MUCL1: variants seen among roughly 807,000 people sequenced by gnomAD.
The protein encoded by MUCL1 is mucin like 1, also known as mucin-like protein 1.
Under a neutral mutation model 9.2 loss-of-function variants are expected in MUCL1, and 11 were observed. That is an observed-to-expected ratio of 1.19 (90% confidence interval 0.75 to 1.97). The LOEUF (loss-of-function observed/expected upper bound fraction) is 1.97. MUCL1 is among the 30% of genes most tolerant of loss of function. The pLI is 0.00. For missense variants in MUCL1, 144 were observed against 110.9 expected, an observed-to-expected ratio of 1.30 and a Z score of -1.34; for synonymous variants, 48 against 40.5, an observed-to-expected ratio of 1.19 and a Z score of -0.71.
At chr12:54,842,347 A>C (rs1450617743) in intron 1 of MUCL1, among the ~76,000 whole-genome samples, 1 of 152,138 alleles carries the variant, frequency 6.6e-6, no homozygotes, top group Non-Finnish European at 1.5e-5. Context: ...AAATGGCTAC[A>C]GTTAATTTTA....
chr12:54,850,311 C>T (rs565123342), upstream of MUCL1, among the ~76,000 whole-genome samples: 2 of 127,256 alleles, frequency 1.6e-5, no homozygotes, highest in Admixed American at 8.1e-5. Flanking sequence ...CCTCCCCCCT[C>T]CCCCCACCCC....
At chr12:54,834,590 T>C (rs2121479058), upstream of MUCL1, among the ~76,000 whole-genome samples, 2 of 152,204 alleles carry the variant, frequency 1.3e-5, no homozygotes, top group East Asian at 1.9e-4. Flanking sequence ...TCTCTTTACA[T>C]AGTTACTATT....
At chr12:54,836,406 AT>A (rs1314040366), upstream of MUCL1, among the ~76,000 whole-genome samples, 1 of 152,044 alleles carries the variant, frequency 6.6e-6, no homozygotes, top group Non-Finnish European at 1.5e-5. Context: ...ATCTTGAATT[AT>A]CTTTTGTATT....
intron 1 of MUCL1, among the ~76,000 whole-genome samples, chr12:54,840,607 C>T (rs1174943118): frequency 6.6e-6 from 1 of 152,190 alleles, no homozygotes; most frequent in African/African-American, 2.4e-5. Flanking sequence ...TTGCATTAAG[C>T]TACCAGGGCA....
upstream of MUCL1, among the ~76,000 whole-genome samples, chr12:54,834,632 CTT>C (rs1327782327): frequency 3.3e-5 from 5 of 151,956 alleles, no homozygotes; most frequent in Non-Finnish European, 5.9e-5. Context: ...AATCCACTCT[CTT>C]AGCAAATTTT....
intron 1 of MUCL1, among the ~76,000 whole-genome samples, chr12:54,843,464 C>G (rs565770251): frequency 6.6e-6 from 1 of 152,272 alleles, no homozygotes; most frequent in Admixed American, 6.5e-5. Flanking sequence ...TGCCTGAAAC[C>G]TGCATTTATG....
chr12:54,854,764 C>G (rs1868286971), intron 1 of MUCL1, 124 bp downstream of exon 1: 3 of 792,142 alleles, frequency 3.8e-6, no homozygotes, highest in Non-Finnish European at 6.1e-6. Flanking sequence ...TGTTCTATCA[C>G]CATTTTGACT....
At chr12:54,842,603 T>C (rs1959217963) in intron 1 of MUCL1, among the ~76,000 whole-genome samples, 1 of 152,128 alleles carries the variant, frequency 6.6e-6, no homozygotes, top group African/African-American at 2.4e-5. Flanking sequence ...CACCATTTTG[T>C]ACAGTAGATC....
chr12:54,849,268 G>A (rs1959301926), intron 1 of MUCL1, among the ~76,000 whole-genome samples: 1 of 151,892 alleles, frequency 6.6e-6, no homozygotes, highest in East Asian at 1.9e-4. Context: ...TTTGCTTTTT[G>A]GTATTGATGA....
chr12:54,832,321 G>A (rs1290830315), intron 1 of MUCL1, among the ~76,000 whole-genome samples: 2 of 152,050 alleles, frequency 1.3e-5, no homozygotes, highest in Non-Finnish European at 1.5e-5. Context: ...GGGATTATTG[G>A]TTTGCTCTTA....
chr12:54,851,296 T>C (rs922544625), upstream of MUCL1, among the ~76,000 whole-genome samples: 2 of 152,206 alleles, frequency 1.3e-5, no homozygotes, highest in Non-Finnish European at 2.9e-5. Context: ...GTTTTAGGTC[T>C]AACATGTAAG....
intron 2 of MUCL1, chr12:54,855,442 T>C (rs1031705087): frequency 2.9e-6 from 1 of 341,770 alleles, no homozygotes; most frequent in Non-Finnish European, 5.5e-6. Flanking sequence ...TGAGGTCTGA[T>C]GTTGTAGCCT....
chr12:54,839,630 C>T (rs1411722613), intron 1 of MUCL1, among the ~76,000 whole-genome samples: 4 of 152,130 alleles, frequency 2.6e-5, no homozygotes, highest in Admixed American at 6.5e-5. Context: ...AGTGTTTCAG[C>T]TATTTAGATC....
intron 2 of MUCL1, among the ~76,000 whole-genome samples, chr12:54,855,965 G>C (rs1868295395): frequency 6.6e-6 from 1 of 152,178 alleles, no homozygotes; most frequent in African/African-American, 2.4e-5. Context: ...TGGAGGTGGA[G>C]CTACTTATTT....
chr12:54,841,066 G>GT (rs150654766), intron 1 of MUCL1, among the ~76,000 whole-genome samples: 31,537 of 152,148 alleles, frequency 0.21, 3,720 homozygotes, highest in Middle Eastern at 0.29. Flanking sequence ...GCTTCTACAT[G>GT]TAAGTGAGAT....
upstream of MUCL1, among the ~76,000 whole-genome samples, chr12:54,838,815 CATT>C (rs1372608483): frequency 5.3e-5 from 8 of 151,928 alleles, no homozygotes; most frequent in Non-Finnish European, 1.0e-4. Flanking sequence ...GAAAATTTTT[CATT>C]ATTATCCTGA....
At chr12:54,841,197 A>T (rs1439415790) in intron 1 of MUCL1, among the ~76,000 whole-genome samples, 2 of 152,178 alleles carry the variant, frequency 1.3e-5, no homozygotes, top group African/African-American at 2.4e-5. Context: ...TAATACATAC[A>T]TGTATATGTA....
chr12:54,858,171 A>G (rs1447076715), intron 3 of MUCL1, 22 bp from the exon 4 acceptor site: 2 of 1,613,060 alleles, frequency 1.2e-6, no homozygotes, highest in Non-Finnish European at 1.7e-6. Flanking sequence ...AAGCCCCTTG[A>G]CAATATTTTT....
At chr12:54,856,317 C>T (rs1394983459) in intron 2 of MUCL1, among the ~76,000 whole-genome samples, 2 of 152,134 alleles carry the variant, frequency 1.3e-5, no homozygotes, top group African/African-American at 4.8e-5. Context: ...TCTTCTTAGT[C>T]TGCCTCCTCC....
Sources: gnomAD v4.1 joint callset for allele counts (sites outside exome capture counted in the v4.1 genomes callset) on GRCh38, gnomAD v4.1.1 for gene constraint, MANE v1.5 for transcripts, NCBI Gene and HGNC (gene_info 2026-07-23, HGNC 2026-07-21) for gene names.